Variants in GPAM observed in about 807,000 individuals in gnomAD.
GPAM encodes glycerol-3-phosphate acyltransferase, mitochondrial.
A neutral mutation model predicts 105.0 loss-of-function variants in GPAM; 56 were observed. That is an observed-to-expected ratio of 0.53 (90% CI 0.43 to 0.67). The LOEUF (loss-of-function observed/expected upper bound fraction) is 0.67, where lower values mean the gene tolerates loss of function less well. GPAM is among the 30% of genes least tolerant of loss of function. The pLI, the probability that GPAM is intolerant of heterozygous loss-of-function variation, is 0.00. For synonymous variants in GPAM, 368 were observed against 354.4 expected, an observed-to-expected ratio of 1.04 and a Z score of -0.43; for missense variants, 855 against 989.8, an observed-to-expected ratio of 0.86 and a Z score of 1.83.
chr10:112,159,995 T>C lies in GPAM; in HGVS notation c.1818A>G (p.Pro606=), dbSNP rs372387710. 5 of 1,613,766 alleles carry C rather than the reference T, an allele frequency of 3.1e-6. No homozygotes were observed. Among genetic ancestry groups the C allele is most frequent in the Admixed American group, 3.3e-5 (2 of 59,996 alleles). The change falls in exon 17 of 22, where the codon CCA becomes CCG. Residue 606 remains proline (P), a synonymous_variant. Transcript: ENST00000348367. ...GCTGCTCCTGGCTGATCAGGTTAGG[T>C]GGGGTGCTAGTGGGACCCCCCAGTC... ...KRGLGGPTST[P]PNLISQEQLV... is the part of the protein sequence containing the mutation.
At chr10:112,202,631 T>G (rs916549697) in intron 1 of GPAM, among the ~76,000 whole-genome samples, 1 of 152,242 alleles carries the variant, frequency 6.6e-6, no homozygotes, top group African/African-American at 2.4e-5. Context: ...TAGTTATGCA[T>G]AATTTTACAT....
chr10:112,159,216 C>CTTTTTTTTTTTTT (rs35513817), intron 17 of GPAM, among the ~76,000 whole-genome samples: 3 of 86,988 alleles, frequency 3.4e-5, no homozygotes, highest in African/African-American at 4.5e-5. Flanking sequence ...AGATGATTTT[C>CTTTTTTTTTTTTT]TTTTTTTTTT....
intron 16 of GPAM, 159 bp downstream of exon 16, chr10:112,160,445 G>C (rs1847101352): frequency 1.4e-6 from 1 of 691,870 alleles, no homozygotes; most frequent in South Asian, 6.5e-5. Flanking sequence ...TGTAAACAGT[G>C]ATATAACAGG....
intron 1 of GPAM, among the ~76,000 whole-genome samples, chr10:112,191,306 C>G (rs1394514368): frequency 1.3e-5 from 2 of 152,192 alleles, no homozygotes; most frequent in Non-Finnish European, 2.9e-5. Flanking sequence ...TGGGAGATCT[C>G]TCTTGCCATC....
intron 1 of GPAM, among the ~76,000 whole-genome samples, chr10:112,193,538 T>C (rs1030189871): frequency 2.6e-5 from 4 of 152,162 alleles, no homozygotes; most frequent in African/African-American, 4.8e-5. Context: ...AATAGCCCCA[T>C]GGGTTAGAAA....
Position 112,153,512 on chromosome 10 carries a change from T to C in GPAM, c.*38A>G, listed in dbSNP as rs1261917659. 1.2e-6 allele frequency: 2 copies of C among 1,613,092 alleles called. No homozygotes were observed. Among genetic ancestry groups the C allele is most frequent in the Non-Finnish European group, 1.7e-6 (2 of 1,179,386 alleles). ...GAAGCTGGTACCTACAAGGAACTCA[T>C]CTCATGACCTTCATTTGCCAGCAGT... On this transcript the variant is annotated 3_prime_UTR_variant, in exon 22 of 22. Coordinates refer to ENST00000348367, the MANE Select transcript of GPAM (RefSeq NM_001244949.2).
At chr10:112,198,227 G>A (rs568896125) in intron 1 of GPAM, among the ~76,000 whole-genome samples, 43 of 152,302 alleles carry the variant, frequency 2.8e-4, no homozygotes, top group African/African-American at 1.0e-3. Flanking sequence ...TCCCCTCAAA[G>A]TCTGAAGGTT....
intron 1 of GPAM, among the ~76,000 whole-genome samples, chr10:112,207,161 A>G (rs1847861379): frequency 6.6e-6 from 1 of 152,354 alleles, no homozygotes; most frequent in Non-Finnish European, 1.5e-5. Flanking sequence ...GTTGTCACAA[A>G]TGAAGGGAGA....
rs1416116175 is a variant in GPAM, at chr10:112,168,839, G to A, written c.894+14C>T. 1 of 1,446,228 alleles carries A rather than the reference G, an allele frequency of 6.9e-7. No homozygotes were observed. The highest frequency in any genetic ancestry group is 1.4e-5 in the African/African-American group (1 of 71,744). The allele number at this position is 1,446,228 out of a possible 1,614,324, so 89.6% of individuals were successfully genotyped here. ...AACACAATGTCCCTAAGGATAATTAGAGATCACACATACCCCATGGAGCAA... is the reference window on the plus strand; with the variant it reads ...AACACAATGTCCCTAAGGATAATTAAAGATCACACATACCCCATGGAGCAA... On this transcript the variant is annotated intron_variant, in intron 10 of 21. Transcript: ENST00000348367.
At chr10:112,183,255 C>A (rs907936232) in intron 1 of GPAM, among the ~76,000 whole-genome samples, 20 of 152,340 alleles carry the variant, frequency 1.3e-4, no homozygotes, top group African/African-American at 4.8e-4. Context: ...ATAATATAAA[C>A]AAAGGGTCTA....
chr10:112,179,676 T>G (rs1436356481), intron 4 of GPAM, among the ~76,000 whole-genome samples: 1 of 152,136 alleles, frequency 6.6e-6, no homozygotes, highest in Non-Finnish European at 1.5e-5. Context: ...ACAGCACAAT[T>G]ACCTAGCCAC....
intron 12 of GPAM, among the ~76,000 whole-genome samples, chr10:112,164,854 A>T (rs187228752): frequency 6.6e-6 from 1 of 152,362 alleles, no homozygotes; most frequent in African/African-American, 2.4e-5. Flanking sequence ...AAACAAAATC[A>T]TTTTAAAATT....
rs372546571 is a variant in GPAM, at chr10:112,197,756, C to T, written n.211-14865G>A. On this transcript the variant is annotated intron_variant and non_coding_transcript_variant, in intron 1 of 3. Transcript: ENST00000480130. ...TGCGGTGTTTGGTTTTTTGTTCTTG[C>T]GATAGTTTACTGAGAATGATGATTT... Among the ~76,000 whole-genome samples, 7 of 149,158 alleles carry T rather than the reference C, an allele frequency of 4.7e-5. No individual in the cohort carries two copies. In the East Asian group the frequency reaches 6.0e-4, roughly 13 times the overall value.
chr10:112,174,957 C>T (rs963508655), intron 6 of GPAM, among the ~76,000 whole-genome samples: 1 of 152,104 alleles, frequency 6.6e-6, no homozygotes, highest in Non-Finnish European at 1.5e-5. Context: ...GTCTCCTGCT[C>T]CCCAAATCCA....
At chr10:112,204,735 C>T (rs1482814257) in intron 1 of GPAM, among the ~76,000 whole-genome samples, 1 of 151,402 alleles carries the variant, frequency 6.6e-6, no homozygotes, top group African/African-American at 2.4e-5. Context: ...AAACTGGAAG[C>T]ATTCCCTTTG....
intron 1 of GPAM, among the ~76,000 whole-genome samples, chr10:112,190,581 A>G (rs943899398): frequency 6.6e-6 from 1 of 152,086 alleles, no homozygotes; most frequent in African/African-American, 2.4e-5. Context: ...TACCACATTT[A>G]TGGCATAATA....
chr10:112,194,209 G>A (rs138332721), intron 1 of GPAM, among the ~76,000 whole-genome samples: 208 of 152,256 alleles, frequency 1.4e-3, no homozygotes, highest in Middle Eastern at 6.8e-3. Flanking sequence ...CTCTTAATCC[G>A]CTTTGTTGGG....
intron 4 of GPAM, among the ~76,000 whole-genome samples, chr10:112,180,113 T>G (rs555117896): frequency 1.3e-5 from 2 of 152,332 alleles, no homozygotes; most frequent in Non-Finnish European, 2.9e-5. Flanking sequence ...TCCCATTATC[T>G]CTTTCTTATC....
chr10:112,210,402 C>T (rs1400277324), intron 1 of GPAM, among the ~76,000 whole-genome samples: 2 of 152,188 alleles, frequency 1.3e-5, no homozygotes, highest in African/African-American at 4.8e-5. Flanking sequence ...CCTGAAGTCT[C>T]ATGCCTACCT....
Sources: gnomAD v4.1 joint callset for allele counts (sites outside exome capture counted in the v4.1 genomes callset) on GRCh38, gnomAD v4.1.1 for gene constraint, MANE v1.5 for transcripts, NCBI Gene and HGNC (gene_info 2026-07-23, HGNC 2026-07-21) for gene names.